Variants in MERTK observed in about 807,000 individuals in gnomAD.
The protein encoded by MERTK is tyrosine-protein kinase Mer.
In MERTK, 69 loss-of-function variants were observed where a neutral mutation model predicts 99.3. The ratio of observed to expected loss-of-function variants is 0.70; its 90% CI spans 0.57 to 0.85. The LOEUF is 0.85. Ranked by LOEUF, MERTK falls within the 40% of genes least tolerant of loss-of-function variation. MERTK has a pLI of 0.00. For synonymous variants in MERTK, 426 were observed against 467.6 expected (o/e 0.91, Z 1.15); for missense variants, 1,125 against 1,249.4 (o/e 0.90, Z 1.50).
chr2:111,924,066 C>T (rs1230584416), intron 1 of MERTK, among the ~76,000 whole-genome samples: 1 of 152,098 alleles, frequency 6.6e-6, no homozygotes. Flanking sequence ...AATGGCAATA[C>T]CACCCCACTA....
At chr2:111,958,713 A>C (rs922722098) in intron 4 of MERTK, among the ~76,000 whole-genome samples, 1 of 152,160 alleles carries the variant, frequency 6.6e-6, no homozygotes, top group South Asian at 2.1e-4. Context: ...ATGACTGTCC[A>C]TTTGACCTGA....
Position 112,014,021 on chromosome 2 carries a change from ATT to A in MERTK, c.2079+3972_2079+3973del, listed in dbSNP as rs1279471792. On this transcript the variant is annotated intron_variant, in intron 15 of 18. Transcript: ENST00000295408. ...AGGCATGCGCTATCATGCCTGGCTT[ATT>A]TTTTTTTTTTTTTTTTGAGACAGAG... 6.3e-4 allele frequency among the ~76,000 whole-genome samples: 80 copies of A among 126,780 alleles called. 1 individual carries two copies. Among genetic ancestry groups the A allele is most frequent in the Admixed American group, 9.4e-4 (12 of 12,796 alleles). 83.2% of individuals were successfully genotyped at this position (126,780 alleles called of 152,430 possible).
rs1010438936 is a variant in MERTK at position 111,910,085 on chromosome 2, C to G, written c.61+11289C>G. Among the ~76,000 whole-genome samples the G allele has an allele frequency of 2.6e-5, 4 of 152,182 alleles. 1 individual carries two copies. Among genetic ancestry groups the G allele is most frequent in the Admixed American group, 1.3e-4 (2 of 15,274 alleles). Reference sequence around the variant, plus strand: ...TGTGGTATAAGCTTTGGCAACATGGCAAGACCTGGTCTCTACTAGAAATAA... The same window carrying G: ...TGTGGTATAAGCTTTGGCAACATGGGAAGACCTGGTCTCTACTAGAAATAA... On this transcript the variant is annotated intron_variant, in intron 1 of 18. Transcript: ENST00000295408.
At chr2:112,022,517 C>CAG (rs1332375055) in intron 18 of MERTK, 123 bp downstream of exon 18, 1 of 1,447,962 alleles carries the variant, frequency 6.9e-7, no homozygotes, top group African/African-American at 1.4e-5. Context: ...TGGGCATGTG[C>CAG]AGAGGGGTGG....
chr2:111,973,277 C>T (rs928725679), intron 6 of MERTK, among the ~76,000 whole-genome samples: 5 of 152,084 alleles, frequency 3.3e-5, no homozygotes, highest in Non-Finnish European at 5.9e-5. Context: ...CCTCCACCTT[C>T]GCTTTGGTGG....
At chr2:112,022,512 A>C (rs752232194) in intron 18 of MERTK, 118 bp downstream of exon 18, 6 of 1,484,774 alleles carry the variant, frequency 4.0e-6, no homozygotes, top group Middle Eastern at 1.7e-4. Context: ...CCAGGTGGGC[A>C]TGTGCAGAGG....
chr2:111,965,615 A>G (rs928708049), intron 5 of MERTK, among the ~76,000 whole-genome samples: 1 of 152,014 alleles, frequency 6.6e-6, no homozygotes, highest in Non-Finnish European at 1.5e-5. Context: ...CTTAGTTCCT[A>G]TTTTCACTTT....
intron 4 of MERTK, among the ~76,000 whole-genome samples, chr2:111,949,620 G>A (rs532983711): frequency 1.3e-5 from 2 of 152,244 alleles, no homozygotes; most frequent in East Asian, 3.9e-4. Flanking sequence ...ACAATTAAGT[G>A]CATAGAATTC....
intron 4 of MERTK, among the ~76,000 whole-genome samples, chr2:111,963,530 C>G (rs1685296926): frequency 6.6e-6 from 1 of 152,122 alleles, no homozygotes; most frequent in Admixed American, 6.6e-5. Flanking sequence ...TGTTTGTGTC[C>G]CTGGGTACTT....
At chr2:111,968,275 G>C (rs1286315546) in intron 6 of MERTK, 23 bp downstream of exon 6, 5 of 1,574,944 alleles carry the variant, frequency 3.2e-6, no homozygotes, top group Non-Finnish European at 3.5e-6. Context: ...GGTGAAGAGG[G>C]AAGTAGCTGT....
At chr2:111,910,075 G>C (rs1313134898) in intron 1 of MERTK, among the ~76,000 whole-genome samples, 1 of 152,130 alleles carries the variant, frequency 6.6e-6, no homozygotes, top group African/African-American at 2.4e-5. Flanking sequence ...TATAAGCTTT[G>C]GCAACATGGC....
chr2:111,940,209 T>A, intron 2 of MERTK: 1 of 209,338 alleles, frequency 4.8e-6, no homozygotes, highest in Non-Finnish European at 1.0e-5. Flanking sequence ...CCCGAGAATG[T>A]GATATATTGA....
intron 13 of MERTK, 82 bp downstream of exon 13, chr2:112,004,066 A>C: frequency 7.9e-7 from 1 of 1,260,470 alleles, no homozygotes; most frequent in East Asian, 2.3e-5. Context: ...CATATGTCAC[A>C]ATCTCAGTTC....
intron 1 of MERTK, among the ~76,000 whole-genome samples, chr2:111,899,741 C>A (rs562277327): frequency 2.0e-5 from 3 of 152,282 alleles, no homozygotes; most frequent in East Asian, 1.9e-4. Context: ...TGGTCTCGAT[C>A]TCTTGACCTC....
chr2:111,932,199 T>C (rs1684685184), intron 2 of MERTK, among the ~76,000 whole-genome samples: 1 of 152,202 alleles, frequency 6.6e-6, no homozygotes, highest in South Asian at 2.1e-4. Flanking sequence ...ATTTCTTTTT[T>C]GAGACGGAGT....
intron 13 of MERTK, among the ~76,000 whole-genome samples, chr2:112,005,689 G>C (rs1429906227): frequency 6.6e-6 from 1 of 152,096 alleles, no homozygotes; most frequent in African/African-American, 2.4e-5. Flanking sequence ...GAGATTATTT[G>C]GTGCTCAGTT....
chr2:111,945,075 C>G lies in MERTK; in HGVS notation c.583+15C>G. On this transcript the variant is annotated intron_variant, in intron 3 of 18. Coordinates refer to ENST00000295408, the MANE Select transcript of MERTK (RefSeq NM_006343.3). ...CGAAGTACAAGGTAAGTCCACAGAC[C>G]AGAGTCCCATTGCCAGAGAACTGTT... The G allele has an allele frequency of 1.3e-6, 2 of 1,587,158 alleles. No homozygotes were observed. The highest frequency in any genetic ancestry group is 1.7e-5 in the Admixed American group (1 of 59,948).
At position 111,929,282 on chromosome 2, in the gene MERTK, CA is replaced by C. The variant is rs527236083; in HGVS notation, c.225del (p.Gly76GlufsTer3). Reference sequence around the variant, plus strand: ...CCAACCCAGCCTGGAAGACCACATACAGGAAACGTAGCCATTCCCCAGGTGA... The same window carrying C: ...CCAACCCAGCCTGGAAGACCACATACGGAAACGTAGCCATTCCCCAGGTGA... ...FSPTQPGRPH[T>X]GNVAIPQVTS... On this transcript the variant is annotated frameshift_variant, in exon 2 of 19. Coordinates refer to ENST00000295408, the MANE Select transcript of MERTK (RefSeq NM_006343.3). LOFTEE classifies it high-confidence loss of function. The C allele has an allele frequency of 8.1e-6, 13 of 1,614,226 alleles. No homozygotes were observed. The East Asian group carries it at 2.9e-4, about 36-fold the overall frequency.
At chr2:111,939,164 A>G (rs1451485185) in intron 2 of MERTK, among the ~76,000 whole-genome samples, 1 of 152,134 alleles carries the variant, frequency 6.6e-6, no homozygotes, top group Non-Finnish European at 1.5e-5. Context: ...CCCATCTGAT[A>G]ATGGTCTTCT....
Sources: gnomAD v4.1 joint callset for allele counts (sites outside exome capture counted in the v4.1 genomes callset) on GRCh38, gnomAD v4.1.1 for gene constraint, MANE v1.5 for transcripts, NCBI Gene and HGNC (gene_info 2026-07-23, HGNC 2026-07-21) for gene names.